Variants in DCAF6 observed in about 807,000 individuals in gnomAD.
DCAF6 encodes the protein DDB1- and CUL4-associated factor 6.
Under a neutral mutation model 125.1 loss-of-function variants are expected in DCAF6, and 54 were observed. The observed-to-expected ratio is 0.43, with a 90% CI of 0.35 to 0.54. DCAF6 has a LOEUF of 0.54. Ranked by LOEUF, DCAF6 falls within the 20% of genes least tolerant of loss-of-function variation. The pLI is 0.01. For synonymous variants in DCAF6, 371 were observed against 390.4 expected, an observed-to-expected ratio of 0.95 and a Z score of 0.58; for missense variants, 934 against 1,161.7, an observed-to-expected ratio of 0.80 and a Z score of 2.85.
At chr1:167,935,659 A>T, upstream of DCAF6, 2 of 1,265,406 alleles carry the variant, frequency 1.6e-6, no homozygotes, top group Non-Finnish European at 2.3e-6. Context: ...CAGTTGTCAG[A>T]GGGCCTCTAA....
chr1:167,921,211 T>C, the DCAF6 span, among the ~76,000 whole-genome samples: 2 of 152,040 alleles, frequency 1.3e-5, no homozygotes, highest in Non-Finnish European at 2.9e-5. Flanking sequence ...ACTTATAATT[T>C]TAGTTTTTTG....
At chr1:167,888,791 G>C in the DCAF6 span, among the ~76,000 whole-genome samples, 6 of 151,158 alleles carry the variant, frequency 4.0e-5, no homozygotes, top group Non-Finnish European at 7.4e-5. Flanking sequence ...CAGGAGAATA[G>C]AGTGAACCCG....
At chr1:168,004,245 C>T (rs1571895928) in intron 9 of DCAF6, among the ~76,000 whole-genome samples, 2 of 151,792 alleles carry the variant, frequency 1.3e-5, no homozygotes, top group African/African-American at 4.8e-5. Context: ...CTATTTTAAG[C>T]CTTTTTTTAA....
chr1:168,049,452 T>TTTA (rs71299099), intron 16 of DCAF6, among the ~76,000 whole-genome samples: 1 of 146,296 alleles, frequency 6.8e-6, no homozygotes, highest in Non-Finnish European at 1.5e-5. Flanking sequence ...TTTTTTTTTT[T>TTTA]AGAAGAGACA....
At chr1:167,995,244 T>C (rs1303061451) in intron 7 of DCAF6, among the ~76,000 whole-genome samples, 1 of 152,166 alleles carries the variant, frequency 6.6e-6, no homozygotes, top group East Asian at 1.9e-4. Flanking sequence ...TTTGATACCA[T>C]GGAATACTTA....
the DCAF6 span, among the ~76,000 whole-genome samples, chr1:167,895,906 C>G: frequency 6.6e-6 from 1 of 152,260 alleles, no homozygotes; most frequent in Admixed American, 6.5e-5. Flanking sequence ...GGAAAGGAAA[C>G]TAAGCAAAGA....
chr1:168,010,045 C>T (rs975712826), intron 10 of DCAF6, among the ~76,000 whole-genome samples: 10 of 152,050 alleles, frequency 6.6e-5, no homozygotes, highest in Non-Finnish European at 1.5e-4. Context: ...ATACTTTTAG[C>T]CCCAGTCATT....
At chr1:168,011,653 T>G (rs1028088458) in intron 10 of DCAF6, among the ~76,000 whole-genome samples, 6 of 152,136 alleles carry the variant, frequency 3.9e-5, no homozygotes, top group Non-Finnish European at 7.4e-5. Context: ...TCTAGTCTAG[T>G]CAGATAGATA....
At chr1:168,043,381 A>G (rs1218653416) in intron 14 of DCAF6, among the ~76,000 whole-genome samples, 2 of 152,132 alleles carry the variant, frequency 1.3e-5, no homozygotes, top group African/African-American at 2.4e-5. Flanking sequence ...ATAGTTGTTC[A>G]TCATACTATA....
At chr1:168,012,654 GT>G (rs1457568347) in intron 10 of DCAF6, among the ~76,000 whole-genome samples, 1 of 152,110 alleles carries the variant, frequency 6.6e-6, no homozygotes, top group African/African-American at 2.4e-5. Context: ...GTTATGTCTG[GT>G]TGAATTTTTT....
intron 13 of DCAF6, chr1:168,042,666 A>G (rs1405779445): frequency 1.9e-5 from 3 of 161,642 alleles, no homozygotes; most frequent in Non-Finnish European, 1.4e-5. Context: ...AAAAATCTGT[A>G]TAACCATTAA....
chr1:167,914,038 T>C, the DCAF6 span: 1 of 152,460 alleles, frequency 6.6e-6, no homozygotes, highest in East Asian at 1.9e-4. Context: ...CTTTTAAGAC[T>C]GCAGAAGACA....
chr1:167,966,757 G>GA (rs748119322), intron 3 of DCAF6, 36 bp downstream of exon 3: 67 of 1,292,446 alleles, frequency 5.2e-5, no homozygotes, highest in South Asian at 6.4e-5. Context: ...TTTAATGAGA[G>GA]AAAAAAAATC....
At chr1:168,006,923 G>A (rs188864726) in intron 10 of DCAF6, among the ~76,000 whole-genome samples, 1 of 152,252 alleles carries the variant, frequency 6.6e-6, no homozygotes, top group East Asian at 1.9e-4. Context: ...GTCTACAGTG[G>A]AATCACTGAA....
intron 4 of DCAF6, among the ~76,000 whole-genome samples, chr1:167,977,264 C>T (rs1678395300): frequency 6.8e-6 from 1 of 147,728 alleles, no homozygotes; most frequent in Non-Finnish European, 1.5e-5. Flanking sequence ...TTTCAGTTTC[C>T]TTTTCTTTCC....
At chr1:168,018,522 C>G (rs1685269068) in intron 11 of DCAF6, among the ~76,000 whole-genome samples, 1 of 152,196 alleles carries the variant, frequency 6.6e-6, no homozygotes, top group Non-Finnish European at 1.5e-5. Flanking sequence ...TAAAGCTCCT[C>G]TGCTCCCTGA....
chr1:167,979,154 C>CTT (rs958997096), intron 4 of DCAF6, among the ~76,000 whole-genome samples: 1 of 148,280 alleles, frequency 6.7e-6, no homozygotes. Context: ...CTTGAGTCAA[C>CTT]TTTTTTTTTT....
intron 3 of DCAF6, chr1:167,969,395 A>G (rs988308167): frequency 6.6e-6 from 1 of 152,180 alleles, no homozygotes; most frequent in African/African-American, 2.4e-5. Flanking sequence ...ATAAGCTGGG[A>G]TAACATATGA....
At chr1:167,934,116 A>G (rs1158687217), upstream of DCAF6, among the ~76,000 whole-genome samples, 4 of 152,240 alleles carry the variant, frequency 2.6e-5, no homozygotes, top group African/African-American at 9.6e-5. Flanking sequence ...AAGGATTTTC[A>G]GGTGAAATGC....
Sources: allele counts gnomAD v4.1 joint callset (sites outside exome capture counted in the v4.1 genomes callset), GRCh38; gene constraint gnomAD v4.1.1; transcripts MANE v1.5; gene names NCBI Gene and HGNC (gene_info 2026-07-23, HGNC 2026-07-21).